CELF2: variants seen among roughly 807,000 people sequenced by gnomAD.
The protein encoded by CELF2 is CUGBP Elav-like family member 2.
Under a neutral mutation model 62.6 loss-of-function variants are expected in CELF2, and 8 were observed. The observed-to-expected ratio is 0.13, with a 90% CI of 0.07 to 0.23. The LOEUF (loss-of-function observed/expected upper bound fraction) is 0.23, where lower values mean the gene tolerates loss of function less well. Ranked by LOEUF, CELF2 falls within the 10% of genes least tolerant of loss-of-function variation. The probability of loss-of-function intolerance (pLI) is 1.00; values close to 1 mark genes in which losing one functional copy is unlikely to be tolerated. For missense variants in CELF2, 333 were observed against 671.0 expected (o/e 0.50, Z 5.56); for synonymous variants, 258 against 250.0 (o/e 1.03, Z -0.30).
At chr10:11,169,572 G>GGGAA (rs2068219764) in intron 2 of CELF2, among the ~76,000 whole-genome samples, 1 of 150,222 alleles carries the variant, frequency 6.7e-6, no homozygotes, top group Non-Finnish European at 1.5e-5. Flanking sequence ...AAGTAGAGAA[G>GGGAA]GGAAGGCCAC....
chr10:11,029,944 T>G (rs2059836985), intron 1 of CELF2, among the ~76,000 whole-genome samples: 1 of 152,226 alleles, frequency 6.6e-6, no homozygotes, highest in Non-Finnish European at 1.5e-5. Context: ...GGCCACACTT[T>G]TATCTTGCCT....
At chr10:10,567,247 A>G in the CELF2 span, among the ~76,000 whole-genome samples, 1 of 152,220 alleles carries the variant, frequency 6.6e-6, no homozygotes, top group Non-Finnish European at 1.5e-5. Flanking sequence ...TTTTAAAACT[A>G]GAGAATCGTG....
Position 11,275,052 on chromosome 10 carries a change from C to G in CELF2, c.778-5C>G, listed in dbSNP as rs1341393329. The G allele has an allele frequency of 6.2e-7, 1 of 1,613,910 alleles. No homozygotes were observed. Among genetic ancestry groups the G allele is most frequent in the Non-Finnish European group, 8.5e-7 (1 of 1,179,968 alleles). Reference sequence around the variant, plus strand: ...TCCACTTTGCCCTTGTGTGTTCATCCGCAGCTCCTGCAGCAGGCCACCTCC... The same window carrying G: ...TCCACTTTGCCCTTGTGTGTTCATCGGCAGCTCCTGCAGCAGGCCACCTCC... On this transcript the variant is annotated splice_polypyrimidine_tract_variant and splice_region_variant and intron_variant, in intron 7 of 12. Coordinates refer to ENST00000633077, the MANE Select transcript of CELF2 (RefSeq NM_001326342.2).
rs1397377736 is a variant in CELF2, at chr10:11,117,987, T to G, written c.75-47499T>G. ...AATGGCTGTGTGGAAATGTTCATTC[T>G]CTGCTTCTATGTTTTTAAAAAACAA... On this transcript the variant is annotated intron_variant, in intron 1 of 12. Transcript: ENST00000633077. This position sits in a 1 kb window ranked among gnomAD's most constrained non-coding sequence, Gnocchi z 4.1. Among the ~76,000 whole-genome samples, 2 of 152,224 alleles carry G rather than the reference T, an allele frequency of 1.3e-5. 1 individual carries two copies. The highest frequency in any genetic ancestry group is 4.1e-4 in the South Asian group (2 of 4,838).
intron 2 of CELF2, among the ~76,000 whole-genome samples, chr10:10,988,541 A>T (rs1334472491): frequency 6.6e-6 from 1 of 152,114 alleles, no homozygotes; most frequent in Non-Finnish European, 1.5e-5. Context: ...GTGAGGGATA[A>T]CAGACTACAT....
chr10:10,787,757 G>T, the CELF2 span, among the ~76,000 whole-genome samples: 30 of 152,056 alleles, frequency 2.0e-4, no homozygotes, highest in African/African-American at 7.0e-4. Context: ...TTCCTAGATC[G>T]AGTACTGCAC....
intron 1 of CELF2, among the ~76,000 whole-genome samples, chr10:11,106,887 C>T (rs1474279364): frequency 3.3e-5 from 5 of 152,166 alleles, no homozygotes; most frequent in South Asian, 4.1e-4. Context: ...CTCAGACTTA[C>T]TATCTAAACC....
At chr10:11,225,395 G>T (rs1228658571) in intron 3 of CELF2, among the ~76,000 whole-genome samples, 1 of 152,154 alleles carries the variant, frequency 6.6e-6, no homozygotes, top group Admixed American at 6.5e-5. Context: ...GGACTGAGTG[G>T]CCCTTTCCAA....
At chr10:10,886,137 A>G (rs1292052214) in intron 1 of CELF2, among the ~76,000 whole-genome samples, 1 of 151,914 alleles carries the variant, frequency 6.6e-6, no homozygotes, top group Non-Finnish European at 1.5e-5. Flanking sequence ...GCCTTCCTTC[A>G]TTCCTACCCT....
the CELF2 span, among the ~76,000 whole-genome samples, chr10:10,737,935 C>T: frequency 6.6e-6 from 1 of 152,184 alleles, no homozygotes; most frequent in African/African-American, 2.4e-5. Flanking sequence ...AAGGCAAACT[C>T]TTTGCACACC....
the CELF2 span, among the ~76,000 whole-genome samples, chr10:10,721,511 C>G: frequency 6.6e-6 from 1 of 152,190 alleles, no homozygotes; most frequent in East Asian, 1.9e-4. Flanking sequence ...TGTTCAATAC[C>G]TACTAATGCT....
intron 9 of CELF2, among the ~76,000 whole-genome samples, chr10:11,292,969 C>T (rs531176414): frequency 5.9e-4 from 90 of 152,336 alleles, no homozygotes; most frequent in African/African-American, 2.1e-3. Context: ...TCCAACTTGG[C>T]CCCTTCCCTC....
chr10:11,277,804 C>T (rs184931485), intron 8 of CELF2, among the ~76,000 whole-genome samples: 3 of 152,184 alleles, frequency 2.0e-5, no homozygotes, highest in African/African-American at 7.2e-5. Context: ...TCCCAAACAC[C>T]ACCTGATGTT....
chr10:10,688,952 C>A, the CELF2 span, among the ~76,000 whole-genome samples: 1 of 151,962 alleles, frequency 6.6e-6, no homozygotes, highest in African/African-American at 2.4e-5. Context: ...TTCAGTGAAC[C>A]ATGCTCACAC....
rs75448042 is a variant in CELF2, at chr10:11,126,823, T to G, written c.75-38663T>G. Among the ~76,000 whole-genome samples the G allele has an allele frequency of 8.1e-3, 1,234 of 152,216 alleles. 15 individuals carry two copies. The highest frequency in any genetic ancestry group is 0.028 in the African/African-American group (1,175 of 41,532). ...GCCTTCATGGTTTATTACATGCCCC[T>G]GGGGATATAGTTGCTCTTCAGCCAT... is the stretch of plus-strand genomic sequence containing the variant. On this transcript the variant is annotated intron_variant, in intron 1 of 12. Coordinates refer to ENST00000633077, the MANE Select transcript of CELF2 (RefSeq NM_001326342.2).
the CELF2 span, among the ~76,000 whole-genome samples, chr10:10,584,839 G>A: frequency 2.0e-5 from 3 of 152,278 alleles, no homozygotes; most frequent in South Asian, 2.1e-4. Context: ...TGAGACTAAC[G>A]AAATGAATTT....
rs183092487 is a variant in CELF2 at position 11,301,557 on chromosome 10, G to A, written c.977-12582G>A. ...CCCGCTGCCCCCGGCCCCGACTCCC[G>A]TTCCAGTGAGGGGAGGTGGGCTTCT... On this transcript the variant is annotated intron_variant, in intron 9 of 12. Coordinates refer to ENST00000633077, the MANE Select transcript of CELF2 (RefSeq NM_001326342.2). Among the ~76,000 whole-genome samples, 53 of 132,256 alleles carry A rather than the reference G, an allele frequency of 4.0e-4. 1 individual carries two copies. The East Asian group carries it at 0.012, about 29-fold the overall frequency. The allele number at this position is 132,256 out of a possible 152,430, so 86.8% of individuals were successfully genotyped here. A position where few individuals can be genotyped will look rare whatever the true frequency, so the allele number is the denominator to read the frequency against.
chr10:11,213,264 C>T (rs568920982), intron 2 of CELF2, among the ~76,000 whole-genome samples: 11 of 152,266 alleles, frequency 7.2e-5, no homozygotes, highest in African/African-American at 1.7e-4. Flanking sequence ...CCCCTTACAC[C>T]GATGTTGGAA....
At chr10:10,701,796 G>A in the CELF2 span, among the ~76,000 whole-genome samples, 1 of 152,158 alleles carries the variant, frequency 6.6e-6, no homozygotes, top group Admixed American at 6.6e-5. Context: ...CCATCACCTC[G>A]CTTAGAGACC....
Sources: allele counts gnomAD v4.1 joint callset (sites outside exome capture counted in the v4.1 genomes callset), GRCh38; gene constraint gnomAD v4.1.1; non-coding constraint Gnocchi (gnomAD v3.1); transcripts MANE v1.5; gene names NCBI Gene and HGNC (gene_info 2026-07-23, HGNC 2026-07-21).